TOR1AIP2: variants seen among roughly 807,000 people sequenced by gnomAD.
The protein encoded by TOR1AIP2 is torsin 1A interacting protein 2.
Under a neutral mutation model 32.6 loss-of-function variants are expected in TOR1AIP2, and 20 were observed. The observed-to-expected ratio is 0.61, with a 90% CI of 0.43 to 0.89. TOR1AIP2 has a LOEUF of 0.89. Among genes scored for constraint, TOR1AIP2 ranks in the 40% least tolerant of loss-of-function variants. The pLI, the probability that TOR1AIP2 is intolerant of heterozygous loss-of-function variation, is 0.00. For synonymous variants in TOR1AIP2, 214 were observed against 210.8 expected, an observed-to-expected ratio of 1.02 and a Z score of -0.13; for missense variants, 456 against 553.8, an observed-to-expected ratio of 0.82 and a Z score of 1.77.
At position 179,846,827 on chromosome 1, in the gene TOR1AIP2, G is replaced by A. The variant is rs771486292; in HGVS notation, c.657C>T (p.Gly219=). ...CAACCAGGACGACAAGAATCACAGGGCCTGTCAAAAGAATGAAAAAGGAAT... is the reference window on the plus strand; with the variant it reads ...CAACCAGGACGACAAGAATCACAGGACCTGTCAAAAGAATGAAAAAGGAAT... The part of the protein sequence containing the change: ...QINKKGFWSY[G]PVILVVLVVA... The change falls in exon 7 of 7, where the codon GGC becomes GGT. Residue 219 remains glycine (G), a splice_region_variant and synonymous_variant. Transcript: ENST00000609928. 6 of 1,584,342 alleles carry A rather than the reference G, an allele frequency of 3.8e-6. No individual in the cohort carries two copies. In the Admixed American group the frequency reaches 1.1e-4, roughly 28 times the overall value.
intron 6 of TOR1AIP2, 138 bp downstream of exon 6, chr1:179,847,397 A>G (rs912947921): frequency 1.2e-5 from 8 of 691,200 alleles, no homozygotes; most frequent in Admixed American, 2.6e-5. Flanking sequence ...CTATTTTACT[A>G]TGTCTCACTA....
intron 2 of TOR1AIP2, among the ~76,000 whole-genome samples, chr1:179,872,150 C>T (rs1452909570): frequency 5.3e-5 from 8 of 152,160 alleles, no homozygotes; most frequent in East Asian, 1.9e-4. Context: ...AACTGACAAA[C>T]GAAACAGGTG....
At chr1:179,865,278 A>G (rs1696723522) in intron 3 of TOR1AIP2, 158 bp downstream of exon 3, 13 of 1,409,110 alleles carry the variant, frequency 9.2e-6, no homozygotes, top group Non-Finnish European at 1.2e-5. Flanking sequence ...TTCGTTTACC[A>G]ATTTCTTAGT....
chr1:179,842,507 C>T lies in TOR1AIP2; in HGVS notation c.*3564G>A, dbSNP rs548628062. On this transcript the variant is annotated 3_prime_UTR_variant, in exon 7 of 7. Transcript: ENST00000609928. ...ATTTACCCTAAGGGAAGAAAAACCT[C>T]AAGTCCAAAGACAGTTTCTGATTCT... The T allele has an allele frequency of 4.6e-5, 7 of 152,334 alleles. No individual in the cohort carries two copies. Among genetic ancestry groups the T allele is most frequent in the African/African-American group, 1.4e-4 (6 of 41,574 alleles). The allele number at this position is 152,334 out of a possible 1,614,324, so 9.4% of individuals were successfully genotyped here.
chr1:179,868,719 C>G (rs747361492), intron 2 of TOR1AIP2: 2 of 151,290 alleles, frequency 1.3e-5, no homozygotes, highest in African/African-American at 2.4e-5. Flanking sequence ...AGATGAAACT[C>G]AAGAATGTTG....
rs1240346100 is a variant in TOR1AIP2, at chr1:179,841,257, C to T, written c.*4814G>A. The T allele has an allele frequency of 1.3e-5, 2 of 152,100 alleles. No individual in the cohort carries two copies. Among genetic ancestry groups the T allele is most frequent in the Non-Finnish European group, 2.9e-5 (2 of 68,006 alleles). The allele number at this position is 152,100 out of a possible 1,614,324, so 9.4% of individuals were successfully genotyped here. A position where few individuals can be genotyped will look rare whatever the true frequency, so the allele number is the denominator to read the frequency against. On this transcript the variant is annotated 3_prime_UTR_variant, in exon 7 of 7. Transcript: ENST00000609928. ...ACAAAAAACCACCATGACTTCTCAACAAATACATTTTAAAATGAAATATGC... is the reference window on the plus strand; with the variant it reads ...ACAAAAAACCACCATGACTTCTCAATAAATACATTTTAAAATGAAATATGC...
chr1:179,851,481 T>C, intron 4 of TOR1AIP2, 118 bp from the exon 5 acceptor site: 1 of 758,934 alleles, frequency 1.3e-6, no homozygotes, highest in Non-Finnish European at 1.9e-6. Flanking sequence ...ACAAGACACT[T>C]CCTAAACATT....
chr1:179,860,578 T>C, intron 3 of TOR1AIP2: 3 of 985,460 alleles, frequency 3.0e-6, no homozygotes, highest in Non-Finnish European at 2.4e-6. Flanking sequence ...ATCCTAAAGA[T>C]TTAGTATGTG....
rs1370927645 is a variant in TOR1AIP2, at chr1:179,851,247, T to C, written c.151A>G (p.Lys51Glu). 1 of 1,612,956 alleles carries C rather than the reference T, an allele frequency of 6.2e-7. No homozygotes were observed. The highest frequency in any genetic ancestry group is 1.3e-5 in the African/African-American group (1 of 74,924). The change falls in exon 5 of 7, where the codon AAA becomes GAA. Residue 51 changes from lysine (K) to glutamate (E), a missense_variant. Transcript: ENST00000609928. ...EILHSACGLS[K>E]DHQEVETEGP... is the part of the protein sequence containing the mutation. Reference sequence around the variant, plus strand: ...TCTGTCTCTACCTCTTGGTGGTCTTTGCTAAGACCACAGGCAGAGTGTAGG... The same window carrying C: ...TCTGTCTCTACCTCTTGGTGGTCTTCGCTAAGACCACAGGCAGAGTGTAGG...
chr1:179,858,981 T>C (rs1696410972), intron 3 of TOR1AIP2: 1 of 955,708 alleles, frequency 1.0e-6, no homozygotes, highest in Non-Finnish European at 1.2e-6. Flanking sequence ...CATTCCAGGA[T>C]GGTAGTTTAG....
intron 4 of TOR1AIP2, among the ~76,000 whole-genome samples, chr1:179,852,143 G>A (rs1474226903): frequency 6.6e-6 from 1 of 152,074 alleles, no homozygotes; most frequent in Non-Finnish European, 1.5e-5. Context: ...CACTGGGTGT[G>A]GTGGCAGGCG....
At chr1:179,870,330 C>T (rs569949644) in intron 2 of TOR1AIP2, among the ~76,000 whole-genome samples, 18 of 151,726 alleles carry the variant, frequency 1.2e-4, no homozygotes, top group Non-Finnish European at 2.4e-4. Context: ...ACCCAGGAGG[C>T]GGAGCTTGCA....
intron 2 of TOR1AIP2, 35 bp downstream of exon 2, chr1:179,877,204 T>C (rs1647394261): frequency 6.6e-6 from 1 of 152,078 alleles, no homozygotes; most frequent in Non-Finnish European, 1.5e-5. Context: ...TTCAGTTTCT[T>C]TTTATCCCAA....
Position 179,877,685 on chromosome 1 carries a change from T to G in TOR1AIP2, c.-701+8A>C, listed in dbSNP as rs372195836. 6.6e-6 allele frequency: 1 copy of G among 152,250 alleles called. No individual in the cohort carries two copies. Among genetic ancestry groups the G allele is most frequent in the African/African-American group, 2.4e-5 (1 of 41,464 alleles). 9.4% of individuals were successfully genotyped at this position (152,250 alleles called of 1,614,324 possible). A position where few individuals can be genotyped will look rare whatever the true frequency, so the allele number is the denominator to read the frequency against. On this transcript the variant is annotated splice_region_variant and intron_variant, in intron 1 of 6. Coordinates refer to ENST00000609928, the MANE Select transcript of TOR1AIP2 (RefSeq NM_001199260.2). ...TGGAAAAGCTGCATAGTCATTTTGT[T>G]TACTTACAAATTCTGGCGAAGTTTT...
In TOR1AIP2 at chr1:179,845,821, T is replaced by C; in HGVS notation, c.*250A>G. The C allele has an allele frequency of 2.4e-6, 1 of 418,386 alleles. No individual in the cohort carries two copies. Among genetic ancestry groups the C allele is most frequent in the Non-Finnish European group, 4.2e-6 (1 of 238,642 alleles). The allele number at this position is 418,386 out of a possible 1,614,324, so 25.9% of individuals were successfully genotyped here. ...AATTTAAAAAAAATTCTCATATATA[T>C]CATCGATATTTCAAACCTGATTTGG... On this transcript the variant is annotated 3_prime_UTR_variant, in exon 7 of 7. Transcript: ENST00000609928.
chr1:179,866,694 C>T (rs1215366129), intron 2 of TOR1AIP2, among the ~76,000 whole-genome samples: 4 of 152,194 alleles, frequency 2.6e-5, no homozygotes, highest in African/African-American at 7.2e-5. Flanking sequence ...AGTGAGCCAC[C>T]GTGCCCGGGT....
At position 179,850,145 on chromosome 1, in the gene TOR1AIP2, C is replaced by T. The variant is rs895919990; in HGVS notation, c.553+700G>A. Among the ~76,000 whole-genome samples, 221 of 152,242 alleles carry T rather than the reference C, an allele frequency of 1.5e-3. 1 individual carries two copies. Among genetic ancestry groups the T allele is most frequent in the African/African-American group, 5.2e-3 (217 of 41,514 alleles). Reference sequence around the variant, plus strand: ...AAGAATGTTTGGATATCATCTTGTCCAACTTCTTCATTTTACAAACAGGAA... The same window carrying T: ...AAGAATGTTTGGATATCATCTTGTCTAACTTCTTCATTTTACAAACAGGAA... On this transcript the variant is annotated intron_variant, in intron 5 of 6. Coordinates refer to ENST00000609928, the MANE Select transcript of TOR1AIP2 (RefSeq NM_001199260.2).
intron 2 of TOR1AIP2, among the ~76,000 whole-genome samples, chr1:179,876,601 TTAAA>T (rs1427589306): frequency 6.6e-6 from 1 of 152,152 alleles, no homozygotes; most frequent in East Asian, 1.9e-4. Flanking sequence ...CCTTTTTTTA[TTAAA>T]TGTTTCCACT....
At chr1:179,858,439 AT>A (rs1414449448) in intron 3 of TOR1AIP2, among the ~76,000 whole-genome samples, 2 of 152,144 alleles carry the variant, frequency 1.3e-5, no homozygotes, top group East Asian at 3.8e-4. Flanking sequence ...CCTTAAAAAA[AT>A]AAAAACATCT....
Sources: gnomAD v4.1 joint callset for allele counts (sites outside exome capture counted in the v4.1 genomes callset) on GRCh38, gnomAD v4.1.1 for gene constraint, MANE v1.5 for transcripts, NCBI Gene and HGNC (gene_info 2026-07-23, HGNC 2026-07-21) for gene names.